Variants in QTMAN observed in about 807,000 individuals in gnomAD.
QTMAN encodes the protein tRNA-queuosine alpha-mannosyltransferase.
At chr2:144,190,551 GA>G in the QTMAN span, among the ~76,000 whole-genome samples, 1 of 152,124 alleles carries the variant, frequency 6.6e-6, no homozygotes, top group African/African-American at 2.4e-5. Flanking sequence ...TGAAGCAAAG[GA>G]AACCAAGTGC....
the QTMAN span, among the ~76,000 whole-genome samples, chr2:144,034,089 C>T: frequency 6.6e-6 from 1 of 152,124 alleles, no homozygotes; most frequent in African/African-American, 2.4e-5. Context: ...CGAGGAGAAC[C>T]AACTAGGGTG....
the QTMAN span, among the ~76,000 whole-genome samples, chr2:144,329,217 G>A: frequency 3.3e-5 from 5 of 151,462 alleles, no homozygotes; most frequent in Non-Finnish European, 5.9e-5. Context: ...AATCCAGCCC[G>A]GGTGACAGAG....
At chr2:143,950,420 G>A in the QTMAN span, among the ~76,000 whole-genome samples, 5 of 151,588 alleles carry the variant, frequency 3.3e-5, no homozygotes, top group Non-Finnish European at 7.4e-5. Flanking sequence ...TTTCTTACTA[G>A]AGGCAACTTT....
chr2:144,001,016 G>A, the QTMAN span, among the ~76,000 whole-genome samples: 3 of 151,926 alleles, frequency 2.0e-5, no homozygotes, highest in African/African-American at 7.2e-5. Flanking sequence ...AGTAAAGGCT[G>A]AAAGATTTAA....
At chr2:144,298,848 C>G in the QTMAN span, among the ~76,000 whole-genome samples, 1 of 152,198 alleles carries the variant, frequency 6.6e-6, no homozygotes, top group Non-Finnish European at 1.5e-5. Flanking sequence ...GTGCACTCTT[C>G]CAATGGTATA....
At chr2:144,271,986 T>G in the QTMAN span, among the ~76,000 whole-genome samples, 1 of 152,306 alleles carries the variant, frequency 6.6e-6, no homozygotes, top group South Asian at 2.1e-4. Context: ...CTGACATGTG[T>G]ATCACTTCTA....
At chr2:144,009,179 A>G in the QTMAN span, among the ~76,000 whole-genome samples, 3 of 152,228 alleles carry the variant, frequency 2.0e-5, no homozygotes, top group South Asian at 4.1e-4. Context: ...GCTTTCTTGC[A>G]AAGCTGAGGG....
chr2:144,185,389 T>C, the QTMAN span, among the ~76,000 whole-genome samples: 1 of 152,202 alleles, frequency 6.6e-6, no homozygotes, highest in Non-Finnish European at 1.5e-5. Context: ...TTAGTTATGA[T>C]TTTAACAGCA....
the QTMAN span, among the ~76,000 whole-genome samples, chr2:144,233,802 C>T: frequency 6.6e-6 from 1 of 152,026 alleles, no homozygotes; most frequent in Non-Finnish European, 1.5e-5. Context: ...CATTAACTGC[C>T]TAACAAAATT....
the QTMAN span, among the ~76,000 whole-genome samples, chr2:144,029,750 C>G: frequency 1.3e-4 from 19 of 151,858 alleles, no homozygotes; most frequent in African/African-American, 4.6e-4. Flanking sequence ...TTTTTTTTCA[C>G]TTTCTCTTAG....
chr2:143,960,070 T>C, the QTMAN span, among the ~76,000 whole-genome samples: 9 of 152,236 alleles, frequency 5.9e-5, no homozygotes, highest in Admixed American at 5.2e-4. Context: ...CATTAATAGG[T>C]ATACTGAGCC....
the QTMAN span, among the ~76,000 whole-genome samples, chr2:144,241,136 T>TAGCAGC: frequency 2.0e-5 from 3 of 152,170 alleles, no homozygotes; most frequent in African/African-American, 7.2e-5. Flanking sequence ...CCTGGACCAG[T>TAGCAGC]AGCAGCAGCA....
the QTMAN span, among the ~76,000 whole-genome samples, chr2:144,245,149 A>T: frequency 5.9e-5 from 9 of 152,252 alleles, no homozygotes; most frequent in African/African-American, 2.2e-4. Context: ...GAAAGTTTCC[A>T]AAAGACATTA....
At chr2:144,034,314 C>T in the QTMAN span, among the ~76,000 whole-genome samples, 1 of 152,226 alleles carries the variant, frequency 6.6e-6, no homozygotes, top group African/African-American at 2.4e-5. Flanking sequence ...GGTGTTTCAT[C>T]CATGTGTACA....
the QTMAN span, among the ~76,000 whole-genome samples, chr2:143,997,359 C>T: frequency 5.9e-5 from 9 of 152,194 alleles, no homozygotes; most frequent in South Asian, 2.1e-4. Context: ...AACTGCTATA[C>T]GGCTTTCTGC....
the QTMAN span, chr2:144,208,846 CATGT>C: frequency 8.7e-7 from 1 of 1,151,692 alleles, no homozygotes. Context: ...CCATTACATA[CATGT>C]ATAAAATTTT....
At chr2:144,071,914 A>C in the QTMAN span, among the ~76,000 whole-genome samples, 1 of 152,208 alleles carries the variant, frequency 6.6e-6, no homozygotes, top group African/African-American at 2.4e-5. Flanking sequence ...GAACAGCAAG[A>C]ATCTAGGCCT....
the QTMAN span, among the ~76,000 whole-genome samples, chr2:143,960,395 A>C: frequency 6.6e-6 from 1 of 152,112 alleles, no homozygotes; most frequent in Non-Finnish European, 1.5e-5. Context: ...AGCCATCTTC[A>C]GGGAACACTG....
At chr2:144,247,137 AG>A in the QTMAN span, among the ~76,000 whole-genome samples, 1 of 152,212 alleles carries the variant, frequency 6.6e-6, no homozygotes, top group African/African-American at 2.4e-5. Context: ...GGAAGTTCCT[AG>A]GTTAAGAGCA....
Sources: gnomAD v4.1 joint callset for allele counts (sites outside exome capture counted in the v4.1 genomes callset) on GRCh38, gnomAD v4.1.1 for gene constraint, MANE v1.5 for transcripts, NCBI Gene and HGNC (gene_info 2026-07-23, HGNC 2026-07-21) for gene names.